ITPKC: variants seen among roughly 807,000 people sequenced by gnomAD.
The protein encoded by ITPKC is IP3 3-kinase C.
In ITPKC, 33 loss-of-function variants were observed where a neutral mutation model predicts 67.1. That is an observed-to-expected ratio of 0.49 (90% CI 0.37 to 0.66). ITPKC has a LOEUF of 0.66. Among genes scored for constraint, ITPKC ranks in the 30% least tolerant of loss-of-function variants. ITPKC has a pLI of 0.00. For synonymous variants in ITPKC, 341 were observed against 359.8 expected, an observed-to-expected ratio of 0.95 and a Z score of 0.59; for missense variants, 820 against 892.1, an observed-to-expected ratio of 0.92 and a Z score of 1.03.
chr19:40,732,913 A>AT lies in ITPKC; in HGVS notation c.1470-240dup, dbSNP rs527739510. ...TGTGTGGGAGGTAGGGATCAGGTTC[A>AT]TTTTTTTCCATATGGATTGTTGACC... On this transcript the variant is annotated intron_variant, in intron 3 of 6. Coordinates refer to ENST00000263370, the MANE Select transcript of ITPKC (RefSeq NM_025194.3). Among the ~76,000 whole-genome samples the AT allele has an allele frequency of 9.2e-5, 14 of 152,234 alleles. 2 individuals carry two copies. The South Asian group carries it at 2.7e-3, about 29-fold the overall frequency.
At chr19:40,738,302 G>A (rs1268264775) in intron 6 of ITPKC, among the ~76,000 whole-genome samples, 2 of 152,094 alleles carry the variant, frequency 1.3e-5, no homozygotes, top group Admixed American at 6.6e-5. Context: ...GGTGGCGGGC[G>A]CCTGTAGTCC....
rs73931352 is a variant in ITPKC at position 40,717,856 on chromosome 19, T to C, written c.721T>C (p.Trp241Arg). ...GACACAACAGGATATTGAAGGTCCC[T>C]GGACAGAGCCATATACTGATGGCTC... ...SRTQQDIEGP[W>R]TEPYTDGSQK... The change falls in exon 1 of 7, where the codon TGG (tryptophan) becomes CGG (arginine). Residue 241 changes from tryptophan to arginine, a missense_variant. Coordinates refer to ENST00000263370, the MANE Select transcript of ITPKC (RefSeq NM_025194.3). The C allele has an allele frequency of 6.6e-4, 1,072 of 1,614,082 alleles. 8 individuals are homozygous for C. In the African/African-American group the frequency reaches 0.012, roughly 18 times the overall value.
rs1401308756 is a variant in ITPKC at position 40,722,691 on chromosome 19, A to G, written c.1156-2649A>G. Among the ~76,000 whole-genome samples the G allele has an allele frequency of 3.3e-5, 5 of 152,210 alleles. No individual in the cohort carries two copies. In the East Asian group the frequency reaches 9.6e-4, roughly 29 times the overall value. ...GTGTGTATGTGTTCATGAATCAGAC[A>G]CTAACCCTGTCTCAAAAAGCTCATA... On this transcript the variant is annotated intron_variant, in intron 1 of 6. Transcript: ENST00000263370.
chr19:40,740,585 G>A lies in ITPKC; in HGVS notation c.*1025G>A, dbSNP rs1444754527. The A allele has an allele frequency of 3.6e-5, 8 of 221,780 alleles. No individual in the cohort carries two copies. Among genetic ancestry groups the A allele is most frequent in the Non-Finnish European group, 7.1e-5 (8 of 112,774 alleles). The allele number at this position is 221,780 out of a possible 1,614,324, so 13.7% of individuals were successfully genotyped here. A position where few individuals can be genotyped will look rare whatever the true frequency, so the allele number is the denominator to read the frequency against. On this transcript the variant is annotated 3_prime_UTR_variant, in exon 7 of 7. Coordinates refer to ENST00000263370, the MANE Select transcript of ITPKC (RefSeq NM_025194.3). ...CCAAACCAAAGACTGTAGAACCCTGGGGTGTGGCTAACGGCCCCTCCAGCA... is the reference window on the plus strand; with the variant it reads ...CCAAACCAAAGACTGTAGAACCCTGAGGTGTGGCTAACGGCCCCTCCAGCA...
At chr19:40,737,360 C>T (rs2082299409) in intron 5 of ITPKC, among the ~76,000 whole-genome samples, 1 of 152,228 alleles carries the variant, frequency 6.6e-6, no homozygotes, top group Non-Finnish European at 1.5e-5. Flanking sequence ...GCCAAGAGAA[C>T]AAGTAAAAAT....
intron 1 of ITPKC, 94 bp downstream of exon 1, chr19:40,718,384 G>T: frequency 7.0e-7 from 1 of 1,427,654 alleles, no homozygotes; most frequent in Non-Finnish European, 9.2e-7. Context: ...TTTACTGTTA[G>T]TTGCCCACCA....
At chr19:40,728,115 A>AT (rs1280503806) in intron 2 of ITPKC, among the ~76,000 whole-genome samples, 1 of 152,200 alleles carries the variant, frequency 6.6e-6, no homozygotes, top group Admixed American at 6.5e-5. Flanking sequence ...GCTGGACATA[A>AT]TCACAGCACT....
intron 3 of ITPKC, among the ~76,000 whole-genome samples, chr19:40,729,993 T>C (rs1296511205): frequency 6.6e-6 from 1 of 152,030 alleles, no homozygotes; most frequent in Non-Finnish European, 1.5e-5. Context: ...CAGGCTGGAG[T>C]GCAGTGGCAC....
chr19:40,728,615 CAT>C (rs754928419), intron 2 of ITPKC, among the ~76,000 whole-genome samples: 1 of 152,192 alleles, frequency 6.6e-6, no homozygotes, highest in South Asian at 2.1e-4. Context: ...CAGATGATCA[CAT>C]GTGTACAATC....
intron 6 of ITPKC, among the ~76,000 whole-genome samples, chr19:40,739,088 A>T (rs1353260595): frequency 6.6e-6 from 1 of 152,162 alleles, no homozygotes; most frequent in Non-Finnish European, 1.5e-5. Flanking sequence ...ATCGCACTTG[A>T]CTGAGAGTAA....
chr19:40,739,577 C>G lies in ITPKC; in HGVS notation c.*17C>G. ...CAGAGCTGAGCTGCTCAGCCACCAT[C>G]AGGTTAATTGGATGGCGCCAGTCTG... On this transcript the variant is annotated 3_prime_UTR_variant, in exon 7 of 7. Transcript: ENST00000263370. The G allele has an allele frequency of 6.2e-7, 1 of 1,606,166 alleles. No homozygotes were observed. The highest frequency in any genetic ancestry group is 8.5e-7 in the Non-Finnish European group (1 of 1,175,760).
Position 40,739,439 on chromosome 19 carries a change from C to G in ITPKC, c.1931C>G (p.Ala644Gly). ...VWMIDFGKTV[A>G]LPDHQTLSHR... ...ATGATAGACTTCGGCAAGACGGTGGCCTTGCCCGACCACCAGACGCTCAGC... is the reference window on the plus strand; with the variant it reads ...ATGATAGACTTCGGCAAGACGGTGGGCTTGCCCGACCACCAGACGCTCAGC... Residue 644 changes from alanine (A) to glycine (G), a missense_variant, in exon 7 of 7, where the codon GCC becomes GGC. Around this residue, in one of 2 missense-constraint regions of ITPKC, gnomAD observed 339 missense variants for 422.0 expected, o/e 0.80. Coordinates refer to ENST00000263370, the MANE Select transcript of ITPKC (RefSeq NM_025194.3). 1 of 1,613,534 alleles carries G rather than the reference C, an allele frequency of 6.2e-7. No individual in the cohort carries two copies.
Position 40,736,985 on chromosome 19 carries a change from G to C in ITPKC, c.1675-1G>C. The stretch of plus-strand genomic sequence containing the variant: ...CTGCCCCTCCACACCCTGCCCTACA[G>C]AAGGCAGATGGGACCTGTAACACCA... On this transcript the variant is annotated splice_acceptor_variant, in intron 4 of 6. Transcript: ENST00000263370. LOFTEE classifies it high-confidence loss of function. 6.3e-7 allele frequency: 1 copy of C among 1,578,958 alleles called. No homozygotes were observed.
chr19:40,722,214 A>G (rs2082225857), intron 1 of ITPKC, among the ~76,000 whole-genome samples: 1 of 151,966 alleles, frequency 6.6e-6, no homozygotes, highest in South Asian at 2.1e-4. Flanking sequence ...CAGAGCTAGA[A>G]CCCCAGCGCT....
intron 3 of ITPKC, among the ~76,000 whole-genome samples, chr19:40,731,546 G>C (rs2082270571): frequency 1.3e-5 from 2 of 151,624 alleles, no homozygotes; most frequent in Admixed American, 1.3e-4. Context: ...CCACGCTCCA[G>C]GAACCTCCAC....
intron 1 of ITPKC, among the ~76,000 whole-genome samples, chr19:40,724,847 G>A (rs2082238416): frequency 6.6e-6 from 1 of 151,724 alleles, no homozygotes; most frequent in Non-Finnish European, 1.5e-5. Flanking sequence ...TACTCGGAGG[G>A]TGAGGCAGGA....
intron 6 of ITPKC, 84 bp from the exon 7 acceptor site, chr19:40,739,273 C>A: frequency 1.0e-6 from 1 of 992,802 alleles, no homozygotes; most frequent in Non-Finnish European, 1.5e-6. Context: ...TTCATGCTGT[C>A]AATCACCCTG....
At chr19:40,735,735 G>A (rs1317563472) in intron 4 of ITPKC, among the ~76,000 whole-genome samples, 1 of 151,980 alleles carries the variant, frequency 6.6e-6, no homozygotes, top group Non-Finnish European at 1.5e-5. Flanking sequence ...ACTCCCTATT[G>A]CCAAGTGCCC....
intron 1 of ITPKC, among the ~76,000 whole-genome samples, chr19:40,720,904 C>T (rs1306441251): frequency 2.6e-5 from 4 of 152,086 alleles, no homozygotes; most frequent in African/African-American, 9.7e-5. Context: ...CCTTCCTTCT[C>T]ACCATCCTGT....
Sources: gnomAD v4.1 joint callset for allele counts (sites outside exome capture counted in the v4.1 genomes callset) on GRCh38, gnomAD v4.1.1 for gene constraint, gnomAD v4.1.1 regional missense constraint, MANE v1.5 for transcripts, NCBI Gene and HGNC (gene_info 2026-07-23, HGNC 2026-07-21) for gene names.